Variants in TRIO observed in about 807,000 individuals in gnomAD.
TRIO encodes the protein trio Rho guanine nucleotide exchange factor.
A neutral mutation model predicts 351.9 loss-of-function variants in TRIO; 58 were observed. That is an observed-to-expected ratio of 0.16 (90% CI 0.13 to 0.21). TRIO has a LOEUF of 0.21. TRIO is among the 10% of genes least tolerant of loss of function. TRIO has a pLI of 1.00. For missense variants in TRIO, 3,201 were observed against 4,027.8 expected, an observed-to-expected ratio of 0.79 and a Z score of 5.56; for synonymous variants, 1,758 against 1,595.7, an observed-to-expected ratio of 1.10 and a Z score of -2.42.
chr5:14,316,384 T>C, intron 8 of TRIO, 129 bp from the exon 9 acceptor site: 1 of 849,522 alleles, frequency 1.2e-6, no homozygotes, highest in Non-Finnish European at 1.8e-6. Flanking sequence ...TGTCTGGGCA[T>C]GTGTGTAATG....
Position 14,265,225 on chromosome 5 carries a change from AAGG to A in TRIO, c.158-5594_158-5592del, listed in dbSNP as rs1027562900. Among the ~76,000 whole-genome samples the A allele has an allele frequency of 2.6e-5, 4 of 152,082 alleles. 1 individual carries two copies. The highest frequency in any genetic ancestry group is 4.4e-5 in the Non-Finnish European group (3 of 68,012). On this transcript the variant is annotated intron_variant, in intron 1 of 56. Coordinates refer to ENST00000344204, the MANE Select transcript of TRIO (RefSeq NM_007118.4). ...TGTCTTGTGGGCTTGGCTGCTTTTA[AAGG>A]AGGAGACGCAGCCAGTTTAGAATCG... is the stretch of plus-strand genomic sequence containing the variant.
intron 1 of TRIO, among the ~76,000 whole-genome samples, chr5:14,236,006 A>G (rs1793743279): frequency 1.3e-5 from 2 of 151,804 alleles, no homozygotes; most frequent in African/African-American, 2.4e-5. Flanking sequence ...AAAACTTATA[A>G]TTGTAGATTC....
In TRIO at chr5:14,461,021, T is replaced by C. The variant is rs773680695; in HGVS notation, c.5206T>C (p.Ser1736Pro). The C allele has an allele frequency of 6.4e-7, 1 of 1,564,274 alleles. No homozygotes were observed. The highest frequency in any genetic ancestry group is 1.2e-5 in the South Asian group (1 of 84,358). ...EMEGIFNHKD[S>P]LSVSSNDASP... ...CTCCCTCTCTTTCTCCCTGGCAGAC[T>C]CGCTCTCCGTCTCCAGCAATGACGC... Residue 1736 changes from serine to proline, a missense_variant and splice_region_variant, in exon 35 of 57, where the codon TCG becomes CCG. Transcript: ENST00000344204.
intron 1 of TRIO, among the ~76,000 whole-genome samples, chr5:14,257,824 A>G (rs1203104386): frequency 6.6e-6 from 1 of 152,256 alleles, no homozygotes; most frequent in African/African-American, 2.4e-5. Flanking sequence ...ACAGAATACA[A>G]TAATTTTAGG....
Position 14,150,411 on chromosome 5 carries a change from T to G in TRIO, c.157+6529T>G, listed in dbSNP as rs1482082239. Among the ~76,000 whole-genome samples the G allele has an allele frequency of 3.3e-5, 5 of 151,928 alleles. No individual in the cohort carries two copies. In the East Asian group the frequency reaches 9.7e-4, roughly 29 times the overall value. On this transcript the variant is annotated intron_variant, in intron 1 of 56. Coordinates refer to ENST00000344204, the MANE Select transcript of TRIO (RefSeq NM_007118.4). The stretch of plus-strand genomic sequence containing the variant: ...TACATGTGTTAAAATTCACAGACCT[T>G]TACACACATGCACACAACACACACA...
intron 34 of TRIO, among the ~76,000 whole-genome samples, chr5:14,442,744 T>C (rs1752165015): frequency 6.6e-6 from 1 of 152,172 alleles, no homozygotes; most frequent in African/African-American, 2.4e-5. Flanking sequence ...ATGCATCTGC[T>C]CTCCTAATTT....
intron 10 of TRIO, among the ~76,000 whole-genome samples, chr5:14,332,814 G>A (rs1335739808): frequency 6.6e-6 from 1 of 152,128 alleles, no homozygotes; most frequent in Admixed American, 6.5e-5. Context: ...TACCTTCACC[G>A]AGTCGCTGTG....
At chr5:14,432,522 G>T (rs928552311) in intron 34 of TRIO, among the ~76,000 whole-genome samples, 24 of 152,180 alleles carry the variant, frequency 1.6e-4, no homozygotes, top group African/African-American at 5.6e-4. Flanking sequence ...CTATGAAAAA[G>T]ATCAAGTTTC....
intron 39 of TRIO, among the ~76,000 whole-genome samples, chr5:14,473,288 A>G (rs1215697044): frequency 6.6e-6 from 1 of 152,226 alleles, no homozygotes; most frequent in Non-Finnish European, 1.5e-5. Flanking sequence ...TCAAAAAGCT[A>G]TTTTTGTGGT....
At position 14,381,904 on chromosome 5, in the gene TRIO, A is replaced by G. The variant is rs993382878; in HGVS notation, c.3570+652A>G. 5.6e-4 allele frequency among the ~76,000 whole-genome samples: 86 copies of G among 152,242 alleles called. 1 individual carries two copies. The highest frequency in any genetic ancestry group is 3.3e-4 in the Admixed American group (5 of 15,290). On this transcript the variant is annotated intron_variant, in intron 21 of 56. Transcript: ENST00000344204. ...TGGCTTTTTGAGGAAAAATATAAGA[A>G]TCTGCATATTGACCTGAATGTTGTC...
rs371449020 is a variant in TRIO at position 14,242,540 on chromosome 5, C to T, written c.158-28285C>T. Among the ~76,000 whole-genome samples, 332 of 152,310 alleles carry T rather than the reference C, an allele frequency of 2.2e-3. 2 individuals carry two copies. The highest frequency in any genetic ancestry group is 7.7e-3 in the African/African-American group (318 of 41,558). ...CTGGTTTTGTATCCATACTGGTTCA[C>T]AAATGACTATCAGGAGGAAAAGATG... is the stretch of plus-strand genomic sequence containing the variant. On this transcript the variant is annotated intron_variant, in intron 1 of 56. Transcript: ENST00000344204.
At position 14,368,426 on chromosome 5, in the gene TRIO, T is replaced by C. The variant is rs370809723; in HGVS notation, c.2875-282T>C. Among the ~76,000 whole-genome samples the C allele has an allele frequency of 3.9e-5, 6 of 152,188 alleles. No individual in the cohort carries two copies. In the East Asian group the frequency reaches 9.6e-4, roughly 24 times the overall value. On this transcript the variant is annotated intron_variant, in intron 16 of 56. Transcript: ENST00000344204. ...TTCTTTGGCTGTTAAGGGTCTTTCC[T>C]GCTATTTCTCAGACTAAGAACCCTA...
chr5:14,379,809 C>A (rs1252740309), intron 20 of TRIO, among the ~76,000 whole-genome samples: 1 of 152,230 alleles, frequency 6.6e-6, no homozygotes, highest in African/African-American at 2.4e-5. Context: ...TCCTGAAGTG[C>A]GTGCTGTTGC....
At chr5:14,204,655 C>T (rs1449409547) in intron 1 of TRIO, among the ~76,000 whole-genome samples, 1 of 152,122 alleles carries the variant, frequency 6.6e-6, no homozygotes, top group Non-Finnish European at 1.5e-5. Flanking sequence ...CTATGAAGTC[C>T]TGAACCCTGT....
At position 14,507,447 on chromosome 5, in the gene TRIO, G is replaced by T. The variant is rs76507250; in HGVS notation, c.8751+187G>T. Among the ~76,000 whole-genome samples, 796 of 152,254 alleles carry T rather than the reference G, an allele frequency of 5.2e-3. 6 individuals are homozygous for T. The highest frequency in any genetic ancestry group is 0.018 in the African/African-American group (756 of 41,544). On this transcript the variant is annotated intron_variant, in intron 56 of 56. Transcript: ENST00000344204. Reference sequence around the variant, plus strand: ...AGCGTTTGCGTTCAGTGATGCACACGGTCAGGAGCACACTGGGTAAAACGC... The same window carrying T: ...AGCGTTTGCGTTCAGTGATGCACACTGTCAGGAGCACACTGGGTAAAACGC...
At chr5:14,279,588 C>T (rs1735815723) in intron 2 of TRIO, among the ~76,000 whole-genome samples, 3 of 152,168 alleles carry the variant, frequency 2.0e-5, no homozygotes, top group South Asian at 2.1e-4. Flanking sequence ...TTACCATAAG[C>T]GTTTAGTGAT....
chr5:14,233,694 C>T (rs1347019033), intron 1 of TRIO, among the ~76,000 whole-genome samples: 3 of 152,222 alleles, frequency 2.0e-5, no homozygotes, highest in African/African-American at 4.8e-5. Context: ...TGCACCACCA[C>T]GCCTGGCTAA....
chr5:14,395,123 A>G (rs974214631), intron 28 of TRIO, among the ~76,000 whole-genome samples: 6 of 152,216 alleles, frequency 3.9e-5, no homozygotes, highest in African/African-American at 1.4e-4. Context: ...ACTCTTCTTT[A>G]CCCTTTTTGT....
chr5:14,146,226 G>A (rs1465839302), intron 1 of TRIO, among the ~76,000 whole-genome samples: 1 of 152,152 alleles, frequency 6.6e-6, no homozygotes, highest in Non-Finnish European at 1.5e-5. Flanking sequence ...ACCGGGCAAG[G>A]AAGCTGAGGA....
Sources: allele counts gnomAD v4.1 joint callset (sites outside exome capture counted in the v4.1 genomes callset), GRCh38; gene constraint gnomAD v4.1.1; transcripts MANE v1.5; gene names NCBI Gene and HGNC (gene_info 2026-07-23, HGNC 2026-07-21).